PCDH9: variants seen among roughly 807,000 people sequenced by gnomAD.
PCDH9 encodes protocadherin 9, also known as protocadherin-9.
In PCDH9, 24 loss-of-function variants were observed where a neutral mutation model predicts 70.6. The observed-to-expected ratio is 0.34, with a 90% CI of 0.25 to 0.48. The LOEUF is 0.48. Among genes scored for constraint, PCDH9 ranks in the 20% least tolerant of loss-of-function variants. The pLI, the probability that PCDH9 is intolerant of heterozygous loss-of-function variation, is 0.99. For synonymous variants in PCDH9, 562 were observed against 558.5 expected (o/e 1.01, Z -0.09); for missense variants, 1,281 against 1,503.6 (o/e 0.85, Z 2.45).
Position 67,080,905 on chromosome 13 carries a change from T to C in PCDH9, c.3036+144500A>G, listed in dbSNP as rs2085970605. 2.0e-5 allele frequency among the ~76,000 whole-genome samples: 3 copies of C among 152,172 alleles called. No individual in the cohort carries two copies. In the East Asian group the frequency reaches 5.8e-4, roughly 29 times the overall value. On this transcript the variant is annotated intron_variant, in intron 2 of 4. Transcript: ENST00000377865. Reference sequence around the variant, plus strand: ...GTTACATAATAAAAAAACACACTCATGAAATTATTTGAGTGAACTTGTTGT... The same window carrying C: ...GTTACATAATAAAAAAACACACTCACGAAATTATTTGAGTGAACTTGTTGT...
At chr13:66,732,756 T>TG (rs1205615711) in intron 3 of PCDH9, among the ~76,000 whole-genome samples, 1 of 152,180 alleles carries the variant, frequency 6.6e-6, no homozygotes, top group Non-Finnish European at 1.5e-5. Context: ...CCATTTTTTT[T>TG]GCAGATAGAA....
intron 2 of PCDH9, among the ~76,000 whole-genome samples, chr13:66,968,785 A>G (rs1159015784): frequency 6.6e-6 from 1 of 152,042 alleles, no homozygotes; most frequent in Non-Finnish European, 1.5e-5. Flanking sequence ...AAATTTGATT[A>G]TTTATTATGT....
intron 4 of PCDH9, among the ~76,000 whole-genome samples, chr13:66,366,843 C>G (rs1262889355): frequency 6.6e-6 from 1 of 151,750 alleles, no homozygotes; most frequent in Non-Finnish European, 1.5e-5. Flanking sequence ...CTTAAATTAC[C>G]CTGGTTCACC....
intron 2 of PCDH9, among the ~76,000 whole-genome samples, chr13:67,132,090 A>C (rs1169249162): frequency 6.6e-6 from 1 of 152,172 alleles, no homozygotes; most frequent in Non-Finnish European, 1.5e-5. Flanking sequence ...AGTCTGGCTT[A>C]ATTATCTAGC....
chr13:67,145,600 C>CAA (rs58802515), intron 2 of PCDH9, among the ~76,000 whole-genome samples: 9 of 151,378 alleles, frequency 5.9e-5, no homozygotes, highest in East Asian at 1.9e-4. Context: ...GTAGACTATA[C>CAA]AAAAAAACCC....
chr13:67,096,835 T>G (rs2086329914), intron 2 of PCDH9, among the ~76,000 whole-genome samples: 1 of 152,162 alleles, frequency 6.6e-6, no homozygotes, highest in African/African-American at 2.4e-5. Flanking sequence ...CAATTTTCCT[T>G]TAAAATTGCT....
intron 4 of PCDH9, among the ~76,000 whole-genome samples, chr13:66,512,582 C>T (rs955950624): frequency 1.3e-5 from 2 of 152,034 alleles, no homozygotes; most frequent in Non-Finnish European, 2.9e-5. Flanking sequence ...CAGAGCTTTG[C>T]TGTGAAAGTC....
chr13:67,155,937 C>T (rs1203049105), intron 2 of PCDH9, among the ~76,000 whole-genome samples: 1 of 152,116 alleles, frequency 6.6e-6, no homozygotes. Flanking sequence ...CTTCTTCCTG[C>T]CTGGAACGTT....
At chr13:67,192,329 C>G (rs1312299142) in intron 2 of PCDH9, among the ~76,000 whole-genome samples, 35 of 152,066 alleles carry the variant, frequency 2.3e-4, no homozygotes, top group Admixed American at 2.3e-3. Context: ...AAAAATCAAA[C>G]AAATATTAGT....
chr13:66,660,031 T>C (rs2077987694), intron 3 of PCDH9, among the ~76,000 whole-genome samples: 1 of 152,182 alleles, frequency 6.6e-6, no homozygotes, highest in Non-Finnish European at 1.5e-5. Flanking sequence ...GCTAAACGAA[T>C]GCCTAAAATC....
intron 4 of PCDH9, among the ~76,000 whole-genome samples, chr13:66,554,499 T>A (rs1961637816): frequency 1.3e-5 from 2 of 152,156 alleles, no homozygotes; most frequent in Non-Finnish European, 2.9e-5. Context: ...AATGGATAGC[T>A]AGATATATAA....
chr13:66,461,022 AAAG>A (rs1958414350), intron 4 of PCDH9, among the ~76,000 whole-genome samples: 1 of 151,902 alleles, frequency 6.6e-6, no homozygotes, highest in Admixed American at 6.6e-5. Flanking sequence ...ATGCTAAAAT[AAAG>A]AAGGTTAATG....
chr13:67,151,351 G>A (rs890726098), intron 2 of PCDH9, among the ~76,000 whole-genome samples: 3 of 152,026 alleles, frequency 2.0e-5, no homozygotes, highest in East Asian at 1.9e-4. Context: ...GGATATTAAC[G>A]TTTAATGCAA....
At chr13:66,929,384 C>T (rs2082769330) in intron 2 of PCDH9, among the ~76,000 whole-genome samples, 1 of 151,942 alleles carries the variant, frequency 6.6e-6, no homozygotes, top group African/African-American at 2.4e-5. Context: ...AGTGCAATGG[C>T]ATGATCTCAG....
At chr13:66,315,638 C>T (rs563624649) in intron 4 of PCDH9, among the ~76,000 whole-genome samples, 21 of 152,254 alleles carry the variant, frequency 1.4e-4, no homozygotes, top group South Asian at 1.2e-3. Context: ...TGTGCCACCA[C>T]GTCCAGCTAA....
intron 2 of PCDH9, among the ~76,000 whole-genome samples, chr13:67,079,608 A>C (rs373149884): frequency 8.5e-5 from 13 of 152,318 alleles, no homozygotes; most frequent in South Asian, 2.1e-4. Flanking sequence ...AATGGCTGCC[A>C]TGGGATCATC....
intron 3 of PCDH9, among the ~76,000 whole-genome samples, chr13:66,807,158 A>G (rs1244556469): frequency 2.6e-5 from 4 of 152,194 alleles, no homozygotes; most frequent in African/African-American, 9.7e-5. Flanking sequence ...AATGAGAAAT[A>G]CCAATACAAA....
At chr13:66,546,793 T>C (rs1332537896) in intron 4 of PCDH9, among the ~76,000 whole-genome samples, 1 of 152,192 alleles carries the variant, frequency 6.6e-6, no homozygotes, top group Non-Finnish European at 1.5e-5. Context: ...TAACATTTTT[T>C]ACTCCTTTGT....
chr13:66,598,781 A>G (rs1339320243), intron 4 of PCDH9, among the ~76,000 whole-genome samples: 4 of 151,910 alleles, frequency 2.6e-5, no homozygotes, highest in Non-Finnish European at 5.9e-5. Context: ...AAACTAACAG[A>G]TCTTGTATAA....
Sources: allele counts gnomAD v4.1 joint callset (sites outside exome capture counted in the v4.1 genomes callset), GRCh38; gene constraint gnomAD v4.1.1; transcripts MANE v1.5; gene names NCBI Gene and HGNC (gene_info 2026-07-23, HGNC 2026-07-21).